The following DPYD variants were observed in gnomAD, a reference collection of about 807,000 sequenced individuals.
DPYD encodes dihydropyrimidine dehydrogenase, also known as dihydropyrimidine dehydrogenase [NADP(+)].
DPYD carries 109 observed loss-of-function variants against 116.2 expected under a neutral mutation model. That is an observed-to-expected ratio of 0.94 (90% CI 0.80 to 1.10). DPYD has a LOEUF of 1.10. Among genes scored for constraint, DPYD ranks in the 50% least tolerant of loss-of-function variants. The probability of loss-of-function intolerance (pLI) is 0.00; values close to 1 mark genes in which losing one functional copy is unlikely to be tolerated. For synonymous variants in DPYD, 440 were observed against 432.0 expected, an observed-to-expected ratio of 1.02 and a Z score of -0.23; for missense variants, 1,302 against 1,254.5, an observed-to-expected ratio of 1.04 and a Z score of -0.57.
intron 3 of DPYD, among the ~76,000 whole-genome samples, chr1:97,814,228 G>T (rs762223231): frequency 1.3e-5 from 2 of 152,094 alleles, no homozygotes; most frequent in East Asian, 3.9e-4. Context: ...ATGGAAAGAC[G>T]GTTGGTCAGA....
chr1:97,358,150 T>C (rs962111935), intron 16 of DPYD, among the ~76,000 whole-genome samples: 5 of 152,246 alleles, frequency 3.3e-5, no homozygotes, highest in African/African-American at 1.2e-4. Flanking sequence ...GGAGATTATA[T>C]CCTGCGCCTG....
chr1:97,338,866 T>A (rs1669441938), intron 16 of DPYD, among the ~76,000 whole-genome samples: 1 of 152,150 alleles, frequency 6.6e-6, no homozygotes, highest in Admixed American at 6.5e-5. Context: ...TTGCTACCTA[T>A]TTCATGTACT....
rs78506504 is a variant in DPYD, at chr1:97,652,326, A to G, written c.850+26769T>C. ...AACATAAAGCTAACATTCACTTAAA[A>G]TCTGACCTGATAATGAATTCATAAA... On this transcript the variant is annotated intron_variant, in intron 8 of 22. Coordinates refer to ENST00000370192, the MANE Select transcript of DPYD (RefSeq NM_000110.4). Among the ~76,000 whole-genome samples, 1,175 of 152,294 alleles carry G rather than the reference A, an allele frequency of 7.7e-3. 21 individuals carry two copies. Among genetic ancestry groups the G allele is most frequent in the African/African-American group, 0.027 (1,106 of 41,554 alleles).
chr1:97,246,589 T>C (rs1490530681), intron 18 of DPYD, among the ~76,000 whole-genome samples: 4 of 152,244 alleles, frequency 2.6e-5, no homozygotes, highest in East Asian at 1.9e-4. Context: ...ATCATATTTA[T>C]AAAACACGTT....
intron 4 of DPYD, among the ~76,000 whole-genome samples, chr1:97,729,811 C>CTA (rs1663485675): frequency 6.6e-6 from 1 of 152,112 alleles, no homozygotes; most frequent in East Asian, 1.9e-4. Flanking sequence ...ATAACTTAGT[C>CTA]TATGTGTGCA....
At chr1:97,508,401 G>A (rs114915531) in intron 13 of DPYD, among the ~76,000 whole-genome samples, 1 of 152,082 alleles carries the variant, frequency 6.6e-6, no homozygotes, top group African/African-American at 2.4e-5. Context: ...CTAGAAAGGG[G>A]GCCAGTGTGG....
At chr1:97,620,812 TC>T (rs1656588918) in intron 8 of DPYD, among the ~76,000 whole-genome samples, 1 of 152,158 alleles carries the variant, frequency 6.6e-6, no homozygotes, top group Non-Finnish European at 1.5e-5. Context: ...AACTTCTGGT[TC>T]CATTTTGATA....
At chr1:97,732,007 AG>A (rs1432173466) in intron 4 of DPYD, among the ~76,000 whole-genome samples, 3 of 152,276 alleles carry the variant, frequency 2.0e-5, no homozygotes, top group African/African-American at 7.2e-5. Context: ...AACTGGCTTA[AG>A]ATGTATAATA....
chr1:97,147,499 G>A (rs1381221639), intron 20 of DPYD, among the ~76,000 whole-genome samples: 1 of 152,154 alleles, frequency 6.6e-6, no homozygotes, highest in Non-Finnish European at 1.5e-5. Context: ...CAGAAAATAA[G>A]CTTTGGAAAA....
chr1:97,102,396 C>CTCATATATATATATATATATATATATAT (rs1650762052), intron 20 of DPYD, among the ~76,000 whole-genome samples: 1 of 97,302 alleles, frequency 1.0e-5, no homozygotes, highest in Non-Finnish European at 2.0e-5. Flanking sequence ...CACTCAGTAT[C>CTCATATATATATATATATATATATATAT]ATATATATAT....
chr1:97,279,789 C>A (rs1373488480), intron 18 of DPYD, among the ~76,000 whole-genome samples: 1 of 152,060 alleles, frequency 6.6e-6, no homozygotes, highest in Non-Finnish European at 1.5e-5. Flanking sequence ...GGATTACAGG[C>A]GTGAGACAGA....
chr1:97,404,682 T>C (rs1040044874), intron 14 of DPYD, among the ~76,000 whole-genome samples: 2 of 152,110 alleles, frequency 1.3e-5, no homozygotes, highest in Non-Finnish European at 2.9e-5. Context: ...TGTTTTTGTA[T>C]TGAAAGTGAC....
At chr1:97,667,120 C>A (rs1028056635) in intron 8 of DPYD, among the ~76,000 whole-genome samples, 3 of 152,086 alleles carry the variant, frequency 2.0e-5, no homozygotes, top group African/African-American at 7.2e-5. Flanking sequence ...AGAGACCATA[C>A]AGCCCACAAC....
At chr1:97,431,550 G>A (rs371427961) in intron 14 of DPYD, among the ~76,000 whole-genome samples, 20 of 151,910 alleles carry the variant, frequency 1.3e-4, no homozygotes, top group East Asian at 3.9e-4. Flanking sequence ...TGTCAGTTTG[G>A]GGAATTTCTT....
At chr1:97,800,296 T>A (rs1479010767) in intron 3 of DPYD, among the ~76,000 whole-genome samples, 1 of 151,956 alleles carries the variant, frequency 6.6e-6, no homozygotes, top group African/African-American at 2.4e-5. Context: ...AAGTTTTTAC[T>A]GTTCAAATTC....
intron 3 of DPYD, among the ~76,000 whole-genome samples, chr1:97,800,653 T>C (rs925613806): frequency 6.6e-6 from 1 of 151,904 alleles, no homozygotes; most frequent in Non-Finnish European, 1.5e-5. Flanking sequence ...AGTTTTCAAG[T>C]GGCACTCCCA....
intron 3 of DPYD, among the ~76,000 whole-genome samples, chr1:97,772,949 A>G (rs1293282118): frequency 6.6e-6 from 1 of 152,222 alleles, no homozygotes; most frequent in African/African-American, 2.4e-5. Flanking sequence ...CATGGCCTCT[A>G]TGATTTTTCA....
At position 97,146,760 on chromosome 1, in the gene DPYD, G is replaced by T. The variant is rs145205123; in HGVS notation, c.2622+46309C>A. On this transcript the variant is annotated intron_variant, in intron 20 of 22. Transcript: ENST00000370192. The stretch of plus-strand genomic sequence containing the variant: ...AATTGGGGCTGCAGTAGAAAGATGG[G>T]TAAAACCAAGTACAATTACTCAAAT... 1.5e-4 allele frequency among the ~76,000 whole-genome samples: 23 copies of T among 152,254 alleles called. No individual in the cohort carries two copies. The East Asian group carries it at 4.2e-3, about 28-fold the overall frequency.
At chr1:97,423,618 T>A (rs1674703638) in intron 14 of DPYD, among the ~76,000 whole-genome samples, 1 of 152,076 alleles carries the variant, frequency 6.6e-6, no homozygotes, top group South Asian at 2.1e-4. Context: ...AGAGGCAGAT[T>A]GAATAGGTCC....
Sources: gnomAD v4.1 joint callset for allele counts (sites outside exome capture counted in the v4.1 genomes callset) on GRCh38, gnomAD v4.1.1 for gene constraint, MANE v1.5 for transcripts, NCBI Gene and HGNC (gene_info 2026-07-23, HGNC 2026-07-21) for gene names.